Variants in TMEM72 observed in about 807,000 individuals in gnomAD.
TMEM72 encodes the protein kidney-specific secretory protein of 37 kDa.
Under a neutral mutation model 16.3 loss-of-function variants are expected in TMEM72, and 9 were observed. The ratio of observed to expected loss-of-function variants is 0.55; its 90% CI spans 0.33 to 0.96. The LOEUF is 0.96. Ranked by LOEUF, TMEM72 falls within the 40% of genes least tolerant of loss-of-function variation. The pLI is 0.03. For missense variants in TMEM72, 324 were observed against 337.8 expected, an observed-to-expected ratio of 0.96 and a Z score of 0.32; for synonymous variants, 160 against 146.5, an observed-to-expected ratio of 1.09 and a Z score of -0.66.
chr10:44,934,703 C>G lies in TMEM72; in HGVS notation c.397C>G (p.Arg133Gly). The G allele has an allele frequency of 6.2e-7, 1 of 1,607,464 alleles. No individual in the cohort carries two copies. The highest frequency in any genetic ancestry group is 2.2e-5 in the East Asian group (1 of 44,772). The change falls in exon 5 of 5, where the codon CGG becomes GGG. Residue 133 changes from arginine to glycine, a missense_variant. By Grantham distance (125) the Arg-to-Gly change is moderately radical (BLOSUM62 -2). Coordinates refer to ENST00000389583, the MANE Select transcript of TMEM72 (RefSeq NM_001123376.3). ...TGLAYFLLSK[R>G]KKRKAAPEVL... ...CCTGGCCTACTTCCTTCTGAGCAAG[C>G]GGAAGAAGAGGAAAGCTGCCCCCGA...
chr10:44,918,461 C>A (rs1366693862), intron 1 of TMEM72, among the ~76,000 whole-genome samples: 1 of 152,058 alleles, frequency 6.6e-6, no homozygotes, highest in Non-Finnish European at 1.5e-5. Context: ...TGAAAGGAGG[C>A]AATACTTCTC....
At chr10:44,916,738 AATCT>A (rs1464428648) in intron 1 of TMEM72, among the ~76,000 whole-genome samples, 1 of 152,152 alleles carries the variant, frequency 6.6e-6, no homozygotes, top group Non-Finnish European at 1.5e-5. Flanking sequence ...AAGTAAATGG[AATCT>A]GCCTCCCTCT....
intron 1 of TMEM72, among the ~76,000 whole-genome samples, chr10:44,926,435 C>G (rs188750542): frequency 6.6e-5 from 10 of 152,196 alleles, no homozygotes; most frequent in Non-Finnish European, 1.0e-4. Context: ...GTGCCACAGG[C>G]CTGCTGGAAG....
chr10:44,926,946 G>C (rs1164895710), intron 1 of TMEM72, among the ~76,000 whole-genome samples: 1 of 152,122 alleles, frequency 6.6e-6, no homozygotes, highest in African/African-American at 2.4e-5. Flanking sequence ...GTCTCTGCCA[G>C]GGAAGAGGAA....
chr10:44,934,228 G>A (rs113986308), intron 4 of TMEM72, among the ~76,000 whole-genome samples: 3 of 8,800 alleles, frequency 3.4e-4, no homozygotes, highest in East Asian at 6.1e-4. Flanking sequence ...TCCACTTCAC[G>A]GGTGCATACC....
chr10:44,928,811 C>T (rs141351538), intron 2 of TMEM72, among the ~76,000 whole-genome samples: 199 of 151,986 alleles, frequency 1.3e-3, no homozygotes, highest in African/African-American at 4.6e-3. Flanking sequence ...TCCATCCATC[C>T]ATCCACCCAC....
At chr10:44,934,405 C>G (rs1840358441) in intron 4 of TMEM72, among the ~76,000 whole-genome samples, 1 of 152,190 alleles carries the variant, frequency 6.6e-6, no homozygotes, top group Non-Finnish European at 1.5e-5. Flanking sequence ...GACAGCCCTC[C>G]AGGGAGACCA....
At chr10:44,929,902 G>C (rs1840267178) in intron 2 of TMEM72, among the ~76,000 whole-genome samples, 1 of 152,252 alleles carries the variant, frequency 6.6e-6, no homozygotes, top group Admixed American at 6.5e-5. Flanking sequence ...TGGAGCCCCT[G>C]CTGGCTGGCA....
chr10:44,914,435 G>A (rs781089392), intron 1 of TMEM72, among the ~76,000 whole-genome samples: 55 of 152,228 alleles, frequency 3.6e-4, no homozygotes, highest in South Asian at 2.1e-4. Flanking sequence ...GGGGGCAGGC[G>A]CCCATGGGTC....
At chr10:44,925,464 C>T (rs1840171249) in intron 1 of TMEM72, among the ~76,000 whole-genome samples, 1 of 152,254 alleles carries the variant, frequency 6.6e-6, no homozygotes, top group South Asian at 2.1e-4. Context: ...ATGCAGGCAT[C>T]AGCCTGGAGT....
chr10:44,926,454 C>CGTGT (rs1345626956), intron 1 of TMEM72, among the ~76,000 whole-genome samples: 1 of 152,164 alleles, frequency 6.6e-6, no homozygotes, highest in African/African-American at 2.4e-5. Flanking sequence ...AGGGCCGGGA[C>CGTGT]GTGTGCAACA....
chr10:44,936,689 G>A lies in TMEM72; in HGVS notation c.*1555G>A, dbSNP rs893293279. On this transcript the variant is annotated 3_prime_UTR_variant, in exon 5 of 5. Transcript: ENST00000389583. ...GGGAATAGTGAACAATATGGGATATGGGTATAGGTAGGTGGTAGACAAGGA... is the reference window on the plus strand; with the variant it reads ...GGGAATAGTGAACAATATGGGATATAGGTATAGGTAGGTGGTAGACAAGGA... 1.3e-5 allele frequency: 2 copies of A among 152,268 alleles called. No homozygotes were observed. The highest frequency in any genetic ancestry group is 2.9e-5 in the Non-Finnish European group (2 of 68,068). The allele number at this position is 152,268 out of a possible 1,614,324, so 9.4% of individuals were successfully genotyped here.
intron 1 of TMEM72, among the ~76,000 whole-genome samples, chr10:44,918,193 G>A (rs7082940): frequency 6.6e-6 from 1 of 151,806 alleles, no homozygotes; most frequent in African/African-American, 2.4e-5. Flanking sequence ...ATTACCTCCT[G>A]CTGGTCCCTC....
intron 3 of TMEM72, among the ~76,000 whole-genome samples, chr10:44,933,196 G>C (rs887004963): frequency 6.6e-6 from 1 of 152,192 alleles, no homozygotes; most frequent in Non-Finnish European, 1.5e-5. Flanking sequence ...AAGGCTGGGT[G>C]AACAGGGCAC....
chr10:44,931,714 G>T (rs914675939), intron 2 of TMEM72: 3 of 465,402 alleles, frequency 6.4e-6, no homozygotes, highest in Non-Finnish European at 1.2e-5. Flanking sequence ...AGAAGGATGT[G>T]CCTGCCAGTG....
intron 2 of TMEM72, 67 bp downstream of exon 2, chr10:44,928,054 C>T (rs1840228496): frequency 1.9e-6 from 3 of 1,541,714 alleles, no homozygotes; most frequent in East Asian, 2.2e-5. Context: ...CATCTGTCTA[C>T]TCAGAATAAC....
At chr10:44,933,576 A>G (rs1840340679) in intron 3 of TMEM72, 61 bp from the exon 4 acceptor site, 2 of 1,566,756 alleles carry the variant, frequency 1.3e-6, no homozygotes, top group Non-Finnish European at 1.7e-6. Flanking sequence ...ACTCCATGGC[A>G]TCCAGTCTTG....
At position 44,934,838 on chromosome 10, in the gene TMEM72, G is replaced by A. The variant is rs1840370068; in HGVS notation, c.532G>A (p.Gly178Arg). The change falls in exon 5 of 5, where the codon GGG (glycine) becomes AGG (arginine). Residue 178 changes from glycine to arginine, a missense_variant. By Grantham distance (125) the Gly-to-Arg change is moderately radical. Coordinates refer to ENST00000389583, the MANE Select transcript of TMEM72 (RefSeq NM_001123376.3). ...CACTTTCCATGGGGCCCTCAAGGAG[G>A]GGCCCAGCTCCCTTTTCATCCACAT... ...TYTFHGALKEGPSSLFIHMKS... is the reference protein window; with the variant it reads ...TYTFHGALKERPSSLFIHMKS... The A allele has an allele frequency of 1.9e-6, 3 of 1,613,426 alleles. No individual in the cohort carries two copies. The highest frequency in any genetic ancestry group is 1.7e-5 in the Admixed American group (1 of 59,978).
At chr10:44,926,093 G>T (rs1042558687) in intron 1 of TMEM72, among the ~76,000 whole-genome samples, 4 of 150,180 alleles carry the variant, frequency 2.7e-5, no homozygotes, top group African/African-American at 9.8e-5. Context: ...ATTCACACAT[G>T]AACTTACATA....
Sources: allele counts gnomAD v4.1 joint callset (sites outside exome capture counted in the v4.1 genomes callset), GRCh38; gene constraint gnomAD v4.1.1; transcripts MANE v1.5; gene names NCBI Gene and HGNC (gene_info 2026-07-23, HGNC 2026-07-21).